The following ZNF81 variants were observed in gnomAD, a reference collection of about 807,000 sequenced individuals.
ZNF81 encodes zinc finger protein 81, also known as zinc finger protein 81 (HFZ20).
Under a neutral mutation model 32.3 loss-of-function variants are expected in ZNF81, and 5 were observed. The observed-to-expected ratio is 0.15, with a 90% CI of 0.08 to 0.33. The LOEUF (loss-of-function observed/expected upper bound fraction) is 0.33, where lower values mean the gene tolerates loss of function less well. ZNF81 is among the 10% of genes least tolerant of loss of function. ZNF81 has a pLI of 1.00. For synonymous variants in ZNF81, 163 were observed against 166.8 expected, an observed-to-expected ratio of 0.98 and a Z score of 0.17; for missense variants, 379 against 479.8, an observed-to-expected ratio of 0.79 and a Z score of 1.96.
chrX:47,846,500 T>G (rs1252292936), intron 2 of ZNF81, among the ~76,000 whole-genome samples, 179 bp downstream of exon 2: 1 of 112,487 alleles, frequency 8.9e-6, no homozygotes, highest in Admixed American at 9.4e-5. Context: ...TGTCCATTGC[T>G]GATTTATTTA....
At chrX:47,848,117 G>A (rs193089084) in intron 2 of ZNF81, among the ~76,000 whole-genome samples, 5,472 of 110,148 alleles carry the variant, frequency 0.05, 139 homozygotes, top group Non-Finnish European at 0.073. Context: ...GGGTTTCACC[G>A]TGTTAGCCAG....
In ZNF81 at chrX:47,915,347, G is replaced by A. The variant is rs1039488608; in HGVS notation, c.701G>A (p.Ser234Asn). The A allele has an allele frequency of 8.3e-7, 1 of 1,209,934 alleles. No individual in the cohort carries two copies. Among genetic ancestry groups the A allele is most frequent in the African/African-American group, 1.7e-5 (1 of 57,226 alleles). Reference sequence around the variant, plus strand: ...GTTTTTACCCAGAACTCTTCTTATAGTCACCACGAAAATACACATACAGGA... The same window carrying A: ...GTTTTTACCCAGAACTCTTCTTATAATCACCACGAAAATACACATACAGGA... ...GQVFTQNSSY[S>N]HHENTHTGVK... The change falls in exon 5 of 5, where the codon AGT (serine) becomes AAT (asparagine). Residue 234 changes from serine to asparagine, a missense_variant. Physicochemically the swap from Ser to Asn is conservative, Grantham distance 46 (BLOSUM62 1). This residue lies in a region of ZNF81 where 277 missense variants were observed against 306.6 expected (regional missense o/e 0.90). Coordinates refer to ENST00000338637, the MANE Select transcript of ZNF81 (RefSeq NM_007137.5).
At position 47,924,224 on chromosome X, in the gene ZNF81, G is replaced by T. The variant is rs1556892398; in HGVS notation, c.*7592G>T. On this transcript the variant is annotated 3_prime_UTR_variant, in exon 5 of 5. Coordinates refer to ENST00000338637, the MANE Select transcript of ZNF81 (RefSeq NM_007137.5). The stretch of plus-strand genomic sequence containing the variant: ...ATGCTCATAGTTATTATGCTTCCCT[G>T]ATTGACATATTTATACTTTCTTTTC... 1.8e-5 allele frequency among the ~76,000 whole-genome samples: 2 copies of T among 112,139 alleles called. No individual in the cohort carries two copies. The highest frequency in any genetic ancestry group is 6.5e-5 in the African/African-American group (2 of 30,864).
chrX:47,857,866 G>A (rs782032037), intron 2 of ZNF81, among the ~76,000 whole-genome samples: 9 of 110,720 alleles, frequency 8.1e-5, no homozygotes, highest in African/African-American at 3.0e-4. Flanking sequence ...CTCAAACTGG[G>A]GCGAGGCTGG....
At chrX:47,874,473 C>G (rs192147865) in intron 2 of ZNF81, among the ~76,000 whole-genome samples, 1 of 112,617 alleles carries the variant, frequency 8.9e-6, no homozygotes, top group Non-Finnish European at 1.9e-5. Flanking sequence ...TGGAAACACA[C>G]AGCCAAGTTC....
rs781835916 is a variant in ZNF81, at chrX:47,920,947, A to G, written c.*4315A>G. The stretch of plus-strand genomic sequence containing the variant: ...GGCCCAGGAGAGGCACTTGTCTTTT[A>G]TTATATTTCAAGCTAGTTGGTTGCT... On this transcript the variant is annotated 3_prime_UTR_variant, in exon 5 of 5. Coordinates refer to ENST00000338637, the MANE Select transcript of ZNF81 (RefSeq NM_007137.5). The G allele has an allele frequency of 1.4e-4, 16 of 111,278 alleles. No individual in the cohort carries two copies. The highest frequency in any genetic ancestry group is 2.6e-4 in the Non-Finnish European group (14 of 53,037). The allele number at this position is 111,278 out of a possible 1,213,427, so 9.2% of individuals were successfully genotyped here.
intron 2 of ZNF81, among the ~76,000 whole-genome samples, chrX:47,876,779 CT>C (rs782634781): frequency 2.2e-4 from 25 of 112,502 alleles, no homozygotes; most frequent in African/African-American, 8.1e-4. Flanking sequence ...CAGCCTCCAG[CT>C]CCTGCTACTC....
rs1237283954 is a variant in ZNF81, at chrX:47,919,224, C to T, written c.*2592C>T. On this transcript the variant is annotated 3_prime_UTR_variant, in exon 5 of 5. Transcript: ENST00000338637. Reference sequence around the variant, plus strand: ...GGTAGAAAAATGCTACAGATGTCTTCATCCCTGTATATGTGTCCTTCTTCA... The same window carrying T: ...GGTAGAAAAATGCTACAGATGTCTTTATCCCTGTATATGTGTCCTTCTTCA... The T allele has an allele frequency of 3.0e-6, 1 of 330,270 alleles. No individual in the cohort carries two copies. Among genetic ancestry groups the T allele is most frequent in the Non-Finnish European group, 5.9e-6 (1 of 169,731 alleles). 27.2% of individuals were successfully genotyped at this position (330,270 alleles called of 1,213,427 possible).
chrX:47,911,329 A>G (rs1341508936), intron 4 of ZNF81, among the ~76,000 whole-genome samples: 1 of 111,090 alleles, frequency 9.0e-6, no homozygotes, highest in Non-Finnish European at 1.9e-5. Flanking sequence ...CGTCCAGGTA[A>G]TAGACATTTT....
intron 2 of ZNF81, among the ~76,000 whole-genome samples, chrX:47,870,644 T>C (rs1556883788): frequency 8.9e-6 from 1 of 112,483 alleles, no homozygotes; most frequent in African/African-American, 3.2e-5. Flanking sequence ...AGGGCATTGA[T>C]ACACACCATA....
rs1402223260 is a variant in ZNF81, at chrX:47,921,849, G to A, written c.*5217G>A. 9.0e-6 allele frequency: 1 copy of A among 111,453 alleles called. No homozygotes were observed. The highest frequency in any genetic ancestry group is 3.3e-5 in the African/African-American group (1 of 30,641). 9.2% of individuals were successfully genotyped at this position (111,453 alleles called of 1,213,427 possible). On this transcript the variant is annotated 3_prime_UTR_variant, in exon 5 of 5. Coordinates refer to ENST00000338637, the MANE Select transcript of ZNF81 (RefSeq NM_007137.5). Reference sequence around the variant, plus strand: ...AAATAGCTTGACTGTAAGCCAGATAGCTTGACTCATGAGGGACCTTCAGCC... The same window carrying A: ...AAATAGCTTGACTGTAAGCCAGATAACTTGACTCATGAGGGACCTTCAGCC...
Position 47,850,598 on chromosome X carries a change from G to A in ZNF81, c.54+4277G>A, listed in dbSNP as rs369170270. On this transcript the variant is annotated intron_variant, in intron 2 of 4. Coordinates refer to ENST00000338637, the MANE Select transcript of ZNF81 (RefSeq NM_007137.5). ...AATAGTGGCTTCCTTGACCAGGGGC[G>A]TTGCAGGGAGGGAGGGAAAGAGGCA... Among the ~76,000 whole-genome samples, 386 of 104,037 alleles carry A rather than the reference G, an allele frequency of 3.7e-3. No individual in the cohort carries two copies. The Middle Eastern group carries it at 0.039, about 11-fold the overall frequency. The allele number at this position is 104,037 out of a possible 115,157, so 90.3% of individuals were successfully genotyped here. A position where few individuals can be genotyped will look rare whatever the true frequency, so the allele number is the denominator to read the frequency against.
chrX:47,880,429 G>C (rs1215347442), intron 2 of ZNF81, among the ~76,000 whole-genome samples: 4 of 111,853 alleles, frequency 3.6e-5, no homozygotes, highest in Non-Finnish European at 7.5e-5. Context: ...GCCCAGGCTG[G>C]TCTCAAATGC....
At chrX:47,846,682 G>GA (rs1180490156) in intron 2 of ZNF81, among the ~76,000 whole-genome samples, 29 of 106,834 alleles carry the variant, frequency 2.7e-4, no homozygotes, top group African/African-American at 9.2e-4. Flanking sequence ...CTTGTTTAAA[G>GA]AAAAAAAAAA....
intron 2 of ZNF81, among the ~76,000 whole-genome samples, chrX:47,849,950 TAGA>T (rs2058487039): frequency 9.0e-6 from 1 of 111,685 alleles, no homozygotes; most frequent in African/African-American, 3.3e-5. Context: ...CCACCACCAC[TAGA>T]ATGGCTATAA....
chrX:47,910,671 C>T (rs1413927901), intron 4 of ZNF81, among the ~76,000 whole-genome samples: 2 of 112,028 alleles, frequency 1.8e-5, no homozygotes, highest in African/African-American at 6.5e-5. Flanking sequence ...ATTCTGATGA[C>T]TTCCATGTTG....
At chrX:47,890,072 C>T (rs2058657234) in intron 3 of ZNF81, among the ~76,000 whole-genome samples, 1 of 111,743 alleles carries the variant, frequency 8.9e-6, no homozygotes, top group Non-Finnish European at 1.9e-5. Flanking sequence ...TTCTTGTTGA[C>T]TATCAATTTT....
rs189659205 is a variant in ZNF81 at position 47,918,809 on chromosome X, G to A, written c.*2177G>A. 6 of 118,690 alleles carry A rather than the reference G, an allele frequency of 5.1e-5. No individual in the cohort carries two copies. The East Asian group carries it at 1.5e-3, about 30-fold the overall frequency. The allele number at this position is 118,690 out of a possible 1,213,427, so 9.8% of individuals were successfully genotyped here. A position where few individuals can be genotyped will look rare whatever the true frequency, so the allele number is the denominator to read the frequency against. Reference sequence around the variant, plus strand: ...CTAATCAAGAAACGTATCTGCCCCTGGAGCCAAGGGAACCGACAACATTTG... The same window carrying A: ...CTAATCAAGAAACGTATCTGCCCCTAGAGCCAAGGGAACCGACAACATTTG... On this transcript the variant is annotated 3_prime_UTR_variant, in exon 5 of 5. Coordinates refer to ENST00000338637, the MANE Select transcript of ZNF81 (RefSeq NM_007137.5).
Position 47,916,249 on chromosome X carries a change from T to C in ZNF81, c.1603T>C (p.Phe535Leu). 1 of 1,211,669 alleles carries C rather than the reference T, an allele frequency of 8.3e-7. No individual in the cohort carries two copies. The highest frequency in any genetic ancestry group is 1.1e-6 in the Non-Finnish European group (1 of 895,502). ...TATATGTGCTGAATGTGGGAAGGCC[T>C]TCACCGACAGGTCAAATTTCAATAA... is the stretch of plus-strand genomic sequence containing the variant. ...SYICAECGKA[F>L]TDRSNFNKHQ... Residue 535 changes from phenylalanine (F) to leucine (L), a missense_variant, in exon 5 of 5, where the codon TTC becomes CTC. By Grantham distance (22) the Phe-to-Leu change is conservative. Around this residue, in one of 2 missense-constraint regions of ZNF81, gnomAD observed 102 missense variants for 173.2 expected, o/e 0.59. Coordinates refer to ENST00000338637, the MANE Select transcript of ZNF81 (RefSeq NM_007137.5).
Sources: gnomAD v4.1 joint callset for allele counts (sites outside exome capture counted in the v4.1 genomes callset) on GRCh38, gnomAD v4.1.1 for gene constraint, gnomAD v4.1.1 regional missense constraint, MANE v1.5 for transcripts, NCBI Gene and HGNC (gene_info 2026-07-23, HGNC 2026-07-21) for gene names.